The following MAOB variants were observed in gnomAD, a reference collection of about 807,000 sequenced individuals.
MAOB encodes amine oxidase [flavin-containing] B.
A neutral mutation model predicts 41.9 loss-of-function variants in MAOB; 15 were observed. That is an observed-to-expected ratio of 0.36 (90% CI 0.24 to 0.55). The LOEUF (loss-of-function observed/expected upper bound fraction) is 0.55, where lower values mean the gene tolerates loss of function less well. Ranked by LOEUF, MAOB falls within the 20% of genes least tolerant of loss-of-function variation. The probability of loss-of-function intolerance (pLI) is 0.86; values close to 1 mark genes in which losing one functional copy is unlikely to be tolerated. For synonymous variants in MAOB, 167 were observed against 144.2 expected, an observed-to-expected ratio of 1.16 and a Z score of -1.13; for missense variants, 345 against 398.7, an observed-to-expected ratio of 0.87 and a Z score of 1.15.
At chrX:43,783,517 T>A (rs1412999598) in intron 8 of MAOB, among the ~76,000 whole-genome samples, 1 of 112,026 alleles carries the variant, frequency 8.9e-6, no homozygotes, top group Non-Finnish European at 1.9e-5. Flanking sequence ...CCAGTGCATA[T>A]AAAAGTTATA....
intron 1 of MAOB, among the ~76,000 whole-genome samples, chrX:43,866,060 G>A (rs986777329): frequency 2.7e-5 from 3 of 110,732 alleles, no homozygotes; most frequent in African/African-American, 9.9e-5. Flanking sequence ...ATCCGAAGTA[G>A]GCCAAGTTCA....
At chrX:43,843,878 T>C in intron 1 of MAOB, 114 bp from the exon 2 acceptor site, 1 of 1,058,712 alleles carries the variant, frequency 9.4e-7, no homozygotes. Context: ...CGCCTATTGT[T>C]ACATTCAACT....
intron 5 of MAOB, among the ~76,000 whole-genome samples, chrX:43,799,205 G>A (rs986160787): frequency 4.5e-5 from 5 of 112,219 alleles, no homozygotes; most frequent in African/African-American, 6.5e-5. Flanking sequence ...ACATTAAAGC[G>A]ACTTACAGTT....
intron 11 of MAOB, among the ~76,000 whole-genome samples, chrX:43,777,233 G>T (rs1272279232): frequency 3.6e-5 from 4 of 111,392 alleles, no homozygotes; most frequent in African/African-American, 1.3e-4. Flanking sequence ...CATGCTGAAT[G>T]GCATTTTTAA....
At chrX:43,832,717 G>A (rs761296953) in intron 3 of MAOB, among the ~76,000 whole-genome samples, 3 of 111,906 alleles carry the variant, frequency 2.7e-5, no homozygotes, top group Admixed American at 9.5e-5. Flanking sequence ...TTTTCGGGGA[G>A]TCAAGTTATA....
intron 3 of MAOB, among the ~76,000 whole-genome samples, chrX:43,806,158 G>A (rs763080850): frequency 2.7e-5 from 3 of 111,585 alleles, no homozygotes; most frequent in African/African-American, 6.5e-5. Context: ...CCAGGATATC[G>A]ACACTGGTAG....
At chrX:43,857,146 GA>G in intron 1 of MAOB, among the ~76,000 whole-genome samples, 1 of 61,289 alleles carries the variant, frequency 1.6e-5, no homozygotes, top group Non-Finnish European at 2.9e-5. Flanking sequence ...GAGAGAGAGA[GA>G]GAGAGAGAGA....
chrX:43,856,903 G>A (rs2035292543), intron 1 of MAOB, among the ~76,000 whole-genome samples: 1 of 105,256 alleles, frequency 9.5e-6, no homozygotes, highest in African/African-American at 3.5e-5. Flanking sequence ...ATTGTTCAAG[G>A]GTCAACTGTA....
At chrX:43,839,751 G>A in intron 2 of MAOB, among the ~76,000 whole-genome samples, 1 of 111,940 alleles carries the variant, frequency 8.9e-6, no homozygotes, top group East Asian at 2.8e-4. Context: ...TCCTATAGCA[G>A]TTGTCCAATA....
At chrX:43,808,827 C>T (rs1234160702) in intron 3 of MAOB, among the ~76,000 whole-genome samples, 1 of 110,481 alleles carries the variant, frequency 9.1e-6, no homozygotes, top group Non-Finnish European at 1.9e-5. Flanking sequence ...GCCTCAGCCT[C>T]CTGAGTAGCT....
chrX:43,828,304 C>A (rs1036171298), intron 3 of MAOB, among the ~76,000 whole-genome samples: 2 of 112,157 alleles, frequency 1.8e-5, no homozygotes, highest in Admixed American at 9.4e-5. Flanking sequence ...GTATGGCTCT[C>A]TATTCTTACG....
chrX:43,882,268 C>T lies in MAOB; in HGVS notation c.32G>A (p.Gly11Glu). 8.3e-7 allele frequency: 1 copy of T among 1,209,771 alleles called. No homozygotes were observed. ...CCGCGACTAACCTGAGATGCCGCCC[C>T]CCACCACGACCACGTCGCATTTGTT... MSNKCDVVVV[G>E]GGISGMAAAK... The change falls in exon 1 of 15, where the codon GGG becomes GAG. Residue 11 changes from glycine (G) to glutamate (E), a missense_variant. By Grantham distance (98) the Gly-to-Glu change is moderately conservative. Transcript: ENST00000378069.
chrX:43,847,029 A>G (rs765724335), intron 1 of MAOB, among the ~76,000 whole-genome samples: 1 of 112,566 alleles, frequency 8.9e-6, no homozygotes, highest in Admixed American at 9.4e-5. Flanking sequence ...ATATAATGCA[A>G]TTAACAATTT....
chrX:43,811,714 T>C (rs2034749565), intron 3 of MAOB, among the ~76,000 whole-genome samples: 1 of 111,556 alleles, frequency 9.0e-6, no homozygotes, highest in South Asian at 3.9e-4. Context: ...TCTGGGTACA[T>C]AGTAGGTGTA....
At chrX:43,808,862 G>A (rs753643343) in intron 3 of MAOB, among the ~76,000 whole-genome samples, 10 of 110,055 alleles carry the variant, frequency 9.1e-5, no homozygotes, top group Admixed American at 3.9e-4. Flanking sequence ...ACACCACCAC[G>A]CCTGGCTAAT....
intron 1 of MAOB, among the ~76,000 whole-genome samples, chrX:43,881,792 C>T (rs2035475025): frequency 8.9e-6 from 1 of 112,354 alleles, no homozygotes; most frequent in South Asian, 3.7e-4. Flanking sequence ...CTTTGGCAAT[C>T]GATTGGCCAG....
At chrX:43,805,391 A>T (rs1465510336) in intron 3 of MAOB, among the ~76,000 whole-genome samples, 1 of 111,652 alleles carries the variant, frequency 9.0e-6, no homozygotes, top group South Asian at 3.7e-4. Context: ...CTACCACTCC[A>T]ATCAAGATAT....
At chrX:43,768,616 A>G (rs199611622) in intron 14 of MAOB, 38 bp downstream of exon 14, 2 of 1,118,133 alleles carry the variant, frequency 1.8e-6, no homozygotes, top group African/African-American at 3.6e-5. Flanking sequence ...GGGTTTAGAG[A>G]AAAGATATCT....
At chrX:43,790,587 T>TA (rs1338388008) in intron 8 of MAOB, among the ~76,000 whole-genome samples, 1 of 107,987 alleles carries the variant, frequency 9.3e-6, no homozygotes, top group Non-Finnish European at 1.9e-5. Context: ...TCAACAAACT[T>TA]TTTTTTTTTT....
Sources: allele counts gnomAD v4.1 joint callset (sites outside exome capture counted in the v4.1 genomes callset), GRCh38; gene constraint gnomAD v4.1.1; transcripts MANE v1.5; gene names NCBI Gene and HGNC (gene_info 2026-07-23, HGNC 2026-07-21).